Variants in KCNQ5 observed in about 807,000 individuals in gnomAD.
KCNQ5 encodes the protein potassium voltage-gated channel subfamily Q member 5, also known as potassium voltage-gated channel subfamily KQT member 5.
A neutral mutation model predicts 98.2 loss-of-function variants in KCNQ5; 30 were observed. The ratio of observed to expected loss-of-function variants is 0.31; its 90% CI spans 0.23 to 0.41. KCNQ5 has a LOEUF of 0.41. KCNQ5 is among the 10% of genes least tolerant of loss of function. KCNQ5 has a pLI of 1.00. For synonymous variants in KCNQ5, 458 were observed against 449.4 expected (o/e 1.02, Z -0.24); for missense variants, 835 against 1,182.5 (o/e 0.71, Z 4.31).
intron 1 of KCNQ5, among the ~76,000 whole-genome samples, chr6:72,869,703 C>CA (rs904113588): frequency 5.9e-4 from 89 of 150,194 alleles, no homozygotes; most frequent in East Asian, 3.7e-3. Flanking sequence ...TTTTTAATGA[C>CA]AAAAAAAAAT....
chr6:72,802,903 C>G (rs1228381799), intron 1 of KCNQ5, among the ~76,000 whole-genome samples: 1 of 152,132 alleles, frequency 6.6e-6, no homozygotes, highest in African/African-American at 2.4e-5. Flanking sequence ...CTGCATTGAA[C>G]TTAAGGAATT....
chr6:72,936,122 G>A (rs1335501524), intron 1 of KCNQ5, among the ~76,000 whole-genome samples: 1 of 143,580 alleles, frequency 7.0e-6, no homozygotes, highest in African/African-American at 2.9e-5. Flanking sequence ...CCACTTACTT[G>A]TCTGAGAGTC....
intron 1 of KCNQ5, among the ~76,000 whole-genome samples, chr6:72,845,902 A>G (rs1435370952): frequency 1.3e-5 from 2 of 152,184 alleles, no homozygotes; most frequent in Non-Finnish European, 2.9e-5. Context: ...TATCATGGGC[A>G]CCAGGTAATG....
At chr6:72,659,203 ATCCAACTG>A (rs1165378774) in intron 1 of KCNQ5, among the ~76,000 whole-genome samples, 1 of 152,150 alleles carries the variant, frequency 6.6e-6, no homozygotes, top group East Asian at 1.9e-4. Flanking sequence ...CCTCTTGTTT[ATCCAACTG>A]TCTTATTAAT....
intron 1 of KCNQ5, among the ~76,000 whole-genome samples, chr6:72,786,139 C>CT (rs1434111615): frequency 6.6e-6 from 1 of 152,132 alleles, no homozygotes; most frequent in Admixed American, 6.5e-5. Context: ...ATGTTATACT[C>CT]TTTTTTTCAT....
intron 1 of KCNQ5, among the ~76,000 whole-genome samples, chr6:72,830,584 C>T (rs891408389): frequency 6.6e-6 from 1 of 152,124 alleles, no homozygotes; most frequent in Admixed American, 6.6e-5. Context: ...AAAATTAATT[C>T]AAGATGGATT....
intron 1 of KCNQ5, among the ~76,000 whole-genome samples, chr6:72,935,507 G>A (rs761332699): frequency 2.1e-4 from 32 of 152,054 alleles, no homozygotes; most frequent in Non-Finnish European, 3.8e-4. Flanking sequence ...GCATACTGCC[G>A]GCACTCAGAA....
chr6:72,844,676 A>G (rs1360204035), intron 1 of KCNQ5, among the ~76,000 whole-genome samples: 6 of 152,236 alleles, frequency 3.9e-5, no homozygotes, highest in Admixed American at 3.9e-4. Flanking sequence ...AAAGGCCTCC[A>G]TAAAAATCCT....
Position 73,081,367 on chromosome 6 carries a change from G to T in KCNQ5, c.918+3480G>T, listed in dbSNP as rs78307450. Among the ~76,000 whole-genome samples, 202 of 152,238 alleles carry T rather than the reference G, an allele frequency of 1.3e-3. 1 individual carries two copies. The highest frequency in any genetic ancestry group is 2.7e-3 in the Non-Finnish European group (184 of 67,994). ...ATTGTTATTTTTCTCATTTTTGGTT[G>T]TTCCAGATTTATTCTGAAATAATTT... On this transcript the variant is annotated intron_variant, in intron 5 of 13. Transcript: ENST00000370398.
chr6:72,683,618 C>T lies in KCNQ5; in HGVS notation c.398+61031C>T, dbSNP rs189601566. Among the ~76,000 whole-genome samples, 5 of 152,088 alleles carry T rather than the reference C, an allele frequency of 3.3e-5. No homozygotes were observed. In the East Asian group the frequency reaches 7.7e-4, roughly 24 times the overall value. On this transcript the variant is annotated intron_variant, in intron 1 of 13. Transcript: ENST00000370398. ...TCCTGAACTCATGATCCACCTGCCT[C>T]GGCCTCCCAAAGGGCTGGGATTACA...
chr6:73,022,123 A>G (rs1468902146), intron 2 of KCNQ5, among the ~76,000 whole-genome samples: 1 of 152,176 alleles, frequency 6.6e-6, no homozygotes, highest in Non-Finnish European at 1.5e-5. Flanking sequence ...GTTATTCAAC[A>G]CTAACATATT....
intron 5 of KCNQ5, among the ~76,000 whole-genome samples, chr6:73,082,339 T>C (rs1170488452): frequency 6.6e-6 from 1 of 152,212 alleles, no homozygotes; most frequent in East Asian, 1.9e-4. Flanking sequence ...GACATTTTTG[T>C]CACTTGTAAT....
chr6:72,834,264 GA>G (rs1369671813), intron 1 of KCNQ5, among the ~76,000 whole-genome samples: 1 of 151,916 alleles, frequency 6.6e-6, no homozygotes, highest in Non-Finnish European at 1.5e-5. Flanking sequence ...CTTGGATATA[GA>G]AAAAAAGAAC....
At chr6:73,032,829 G>A (rs1771211886) in intron 2 of KCNQ5, among the ~76,000 whole-genome samples, 1 of 137,344 alleles carries the variant, frequency 7.3e-6, no homozygotes, top group East Asian at 2.9e-4. Context: ...GGGGGAGGAT[G>A]GACAACAAAA....
At chr6:72,957,247 T>G (rs1194167738) in intron 1 of KCNQ5, among the ~76,000 whole-genome samples, 2 of 151,364 alleles carry the variant, frequency 1.3e-5, no homozygotes, top group Admixed American at 6.6e-5. Context: ...CTCAGCTCAT[T>G]GCAACCTCCA....
chr6:73,057,747 T>A (rs953555416), intron 3 of KCNQ5, among the ~76,000 whole-genome samples: 2 of 151,864 alleles, frequency 1.3e-5, no homozygotes, highest in Admixed American at 1.3e-4. Context: ...GAAAAAAAAA[T>A]TATTTAAAAA....
chr6:73,044,385 G>T (rs1295629817), intron 3 of KCNQ5, among the ~76,000 whole-genome samples: 1 of 152,138 alleles, frequency 6.6e-6, no homozygotes, highest in African/African-American at 2.4e-5. Flanking sequence ...TAATTGCTTT[G>T]GAAGAAAATT....
At chr6:72,741,957 A>T (rs1356699402) in intron 1 of KCNQ5, among the ~76,000 whole-genome samples, 1 of 152,178 alleles carries the variant, frequency 6.6e-6, no homozygotes, top group Non-Finnish European at 1.5e-5. Flanking sequence ...GGGGTCACTT[A>T]ATACCAGATG....
At chr6:72,953,786 G>C (rs1000714320) in intron 1 of KCNQ5, among the ~76,000 whole-genome samples, 2 of 152,100 alleles carry the variant, frequency 1.3e-5, no homozygotes, top group Non-Finnish European at 2.9e-5. Context: ...ACAGAATTTT[G>C]ACTTTTAAAG....
Sources: gnomAD v4.1 joint callset for allele counts (sites outside exome capture counted in the v4.1 genomes callset) on GRCh38, gnomAD v4.1.1 for gene constraint, MANE v1.5 for transcripts, NCBI Gene and HGNC (gene_info 2026-07-23, HGNC 2026-07-21) for gene names.